The following UGT1A4 variants were observed in gnomAD, a reference collection of about 807,000 sequenced individuals.
UGT1A4 encodes UDP glucuronosyltransferase family 1 member A4.
Under a neutral mutation model 41.1 loss-of-function variants are expected in UGT1A4, and 32 were observed. The ratio of observed to expected loss-of-function variants is 0.78; its 90% CI spans 0.59 to 1.05. The LOEUF (loss-of-function observed/expected upper bound fraction) is 1.05. Among genes scored for constraint, UGT1A4 ranks in the 50% least tolerant of loss-of-function variants. The probability of loss-of-function intolerance (pLI) is 0.00; values close to 1 mark genes in which losing one functional copy is unlikely to be tolerated. For synonymous variants in UGT1A4, 283 were observed against 265.1 expected (o/e 1.07, Z -0.66); for missense variants, 748 against 677.4 (o/e 1.10, Z -1.16).
At chr2:233,771,979 G>A (rs35456228) in intron 4 of UGT1A4, among the ~76,000 whole-genome samples, 135 of 152,326 alleles carry the variant, frequency 8.9e-4, no homozygotes, top group African/African-American at 3.2e-3. Context: ...GCCAGACATA[G>A]TGGTGCATGA....
At chr2:233,753,608 G>C (rs980639486) in intron 1 of UGT1A4, 1 of 152,136 alleles carries the variant, frequency 6.6e-6, no homozygotes, top group Non-Finnish European at 1.5e-5. Flanking sequence ...TGCCCCAAAA[G>C]GTCTTCATTT....
chr2:233,752,699 G>C (rs1695036146), intron 1 of UGT1A4, among the ~76,000 whole-genome samples: 3 of 152,058 alleles, frequency 2.0e-5, no homozygotes, highest in Non-Finnish European at 4.4e-5. Flanking sequence ...TTACTAGTGG[G>C]GTATGATCTT....
chr2:233,759,596 C>G (rs1697189496), intron 1 of UGT1A4, among the ~76,000 whole-genome samples: 1 of 145,706 alleles, frequency 6.9e-6, no homozygotes, highest in Non-Finnish European at 1.5e-5. Flanking sequence ...CCCCCCACCC[C>G]CGACCCGCCC....
intron 1 of UGT1A4, among the ~76,000 whole-genome samples, chr2:233,740,449 G>A (rs1478518118): frequency 1.3e-5 from 2 of 151,974 alleles, no homozygotes; most frequent in African/African-American, 4.9e-5. Flanking sequence ...AATCAGAGGA[G>A]AAGAAGATGA....
At chr2:233,754,864 C>T (rs1448859484) in intron 1 of UGT1A4, 1 of 1,352,042 alleles carries the variant, frequency 7.4e-7, no homozygotes, top group South Asian at 1.1e-5. Context: ...GGTGCAGACC[C>T]TCTGCTTCTG....
Position 233,772,483 on chromosome 2 carries a change from G to C in UGT1A4, c.1529G>C (p.Cys510Ser). The change falls in exon 5 of 5, where the codon TGT (cysteine) becomes TCT (serine). Residue 510 changes from cysteine to serine, a missense_variant. Physicochemically the swap from Cys to Ser is moderately radical, Grantham distance 112. Transcript: ENST00000373409. ...ACAGTGGCCTTCATCACCTTTAAAT[G>C]TTGTGCTTATGGCTACCGGAAATGC... ...VLTVAFITFK[C>S]CAYGYRKCLG... The C allele has an allele frequency of 6.2e-7, 1 of 1,614,146 alleles. No individual in the cohort carries two copies. The highest frequency in any genetic ancestry group is 8.5e-7 in the Non-Finnish European group (1 of 1,180,048).
intron 1 of UGT1A4, chr2:233,755,272 T>C (rs1695839667): frequency 2.6e-6 from 2 of 758,302 alleles, no homozygotes. Context: ...TCCACTATGC[T>C]GGACTGCCAA....
In UGT1A4 at chr2:233,718,755, C is replaced by G. The variant is rs372600165; in HGVS notation, c.-66C>G. 10 of 1,612,204 alleles carry G rather than the reference C, an allele frequency of 6.2e-6. No individual in the cohort carries two copies. Among genetic ancestry groups the G allele is most frequent in the East Asian group, 4.5e-5 (2 of 44,896 alleles). On this transcript the variant is annotated 5_prime_UTR_variant, in exon 1 of 5. Coordinates refer to ENST00000373409, the MANE Select transcript of UGT1A4 (RefSeq NM_007120.3). ...TGGCTCAATGACAAGGTAATTAAGG[C>G]GAAGGAAACAAATGTAGCAGGCACA... is the stretch of plus-strand genomic sequence containing the variant.
At chr2:233,764,025 G>T (rs1387179659) in intron 1 of UGT1A4, among the ~76,000 whole-genome samples, 1 of 152,188 alleles carries the variant, frequency 6.6e-6, no homozygotes, top group Non-Finnish European at 1.5e-5. Flanking sequence ...TGGTGTCTAA[G>T]TGCTAAAGAA....
intron 1 of UGT1A4, among the ~76,000 whole-genome samples, chr2:233,732,434 T>A (rs2078271939): frequency 6.6e-6 from 1 of 152,264 alleles, no homozygotes; most frequent in African/African-American, 2.4e-5. Context: ...AGGATTTTTA[T>A]GGTTTTAGGT....
rs527503361 is a variant in UGT1A4 at position 233,743,746 on chromosome 2, C to G, written c.868-23288C>G. 8 of 1,367,246 alleles carry G rather than the reference C, an allele frequency of 5.9e-6. No individual in the cohort carries two copies. The South Asian group carries it at 6.8e-5, about 12-fold the overall frequency. The allele number at this position is 1,367,246 out of a possible 1,614,324, so 84.7% of individuals were successfully genotyped here. On this transcript the variant is annotated intron_variant, in intron 1 of 4. Transcript: ENST00000373409. ...CATAGATATCGCGTTTCTTGGCGTC[C>G]GACAACACCTCGTAGGCCTCGGCCA...
At chr2:233,728,419 C>A (rs1433487219) in intron 1 of UGT1A4, among the ~76,000 whole-genome samples, 1 of 152,142 alleles carries the variant, frequency 6.6e-6, no homozygotes, top group Non-Finnish European at 1.5e-5. Context: ...GATAGCAGCA[C>A]CTCTTCTTCC....
chr2:233,760,221 A>C, intron 1 of UGT1A4: 4 of 1,592,732 alleles, frequency 2.5e-6, no homozygotes, highest in Non-Finnish European at 3.4e-6. Flanking sequence ...TGGTGTATCG[A>C]TTGGTTTTTG....
intron 4 of UGT1A4, 114 bp downstream of exon 4, chr2:233,768,553 AT>A (rs1280927222): frequency 2.3e-5 from 34 of 1,477,264 alleles, no homozygotes; most frequent in Non-Finnish European, 2.9e-5. Context: ...ATAAAAACAA[AT>A]ACATAAAAAT....
At chr2:233,739,831 CAT>C (rs1185061453) in intron 1 of UGT1A4, among the ~76,000 whole-genome samples, 1 of 151,958 alleles carries the variant, frequency 6.6e-6, no homozygotes, top group Non-Finnish European at 1.5e-5. Context: ...TGTGAAAAGA[CAT>C]GAGATTTGGG....
intron 1 of UGT1A4, among the ~76,000 whole-genome samples, chr2:233,728,327 C>T (rs1274244958): frequency 6.6e-6 from 1 of 152,196 alleles, no homozygotes; most frequent in Admixed American, 6.5e-5. Flanking sequence ...CAGGCTCCAG[C>T]TCCCCCAGTC....
intron 1 of UGT1A4, among the ~76,000 whole-genome samples, chr2:233,742,483 C>T (rs1442583410): frequency 6.6e-6 from 1 of 151,916 alleles, no homozygotes; most frequent in African/African-American, 2.4e-5. Context: ...TCACAACCTT[C>T]AGCATAGGCA....
At chr2:233,766,684 A>G (rs935932983) in intron 1 of UGT1A4, among the ~76,000 whole-genome samples, 1 of 152,094 alleles carries the variant, frequency 6.6e-6, no homozygotes, top group Non-Finnish European at 1.5e-5. Flanking sequence ...TCCCTTCTGT[A>G]TCACTGATGC....
At chr2:233,760,944 G>C (rs1697622087) in intron 1 of UGT1A4, 18 of 1,614,082 alleles carry the variant, frequency 1.1e-5, no homozygotes, top group Non-Finnish European at 1.5e-5. Flanking sequence ...CCTTTTCACA[G>C]AACTTTCTGT....
Sources: gnomAD v4.1 joint callset for allele counts (sites outside exome capture counted in the v4.1 genomes callset) on GRCh38, gnomAD v4.1.1 for gene constraint, MANE v1.5 for transcripts, NCBI Gene and HGNC (gene_info 2026-07-23, HGNC 2026-07-21) for gene names.